Variants in NCOA4 observed in about 807,000 individuals in gnomAD.
NCOA4 encodes the protein 70 kDa AR-activator.
NCOA4 carries 31 observed loss-of-function variants against 69.5 expected under a neutral mutation model. The ratio of observed to expected loss-of-function variants is 0.45; its 90% confidence interval spans 0.34 to 0.60. NCOA4 has a LOEUF of 0.60. Among genes scored for constraint, NCOA4 ranks in the 20% least tolerant of loss-of-function variants. The pLI is 0.02. For synonymous variants in NCOA4, 228 were observed against 252.4 expected (o/e 0.90, Z 0.92); for missense variants, 600 against 719.2 (o/e 0.83, Z 1.90).
At chr10:46,022,171 A>ACCTGCC (rs1248136420) in intron 1 of NCOA4, among the ~76,000 whole-genome samples, 1 of 151,850 alleles carries the variant, frequency 6.6e-6, no homozygotes, top group Admixed American at 6.6e-5. Flanking sequence ...CCCCCTTGCC[A>ACCTGCC]CCTGCCCCTG....
At chr10:46,027,288 AG>A (rs1476833956) in intron 1 of NCOA4, 166 of 704,844 alleles carry the variant, frequency 2.4e-4, no homozygotes, top group African/African-American at 1.7e-3. Context: ...AAAAAAAAAA[AG>A]AATGATTAAG....
intron 5 of NCOA4, 131 bp from the exon 6 acceptor site, chr10:46,013,770 G>T: frequency 1.7e-6 from 1 of 577,792 alleles, no homozygotes; most frequent in Admixed American, 3.5e-5. Context: ...TAAATTCCAT[G>T]ACTTACAAAG....
intron 8 of NCOA4, 51 bp downstream of exon 8, chr10:46,010,172 T>C (rs782787758): frequency 4.4e-5 from 68 of 1,531,458 alleles, no homozygotes; most frequent in South Asian, 2.0e-4. Context: ...TCAAAATAAA[T>C]GAATAAATAA....
chr10:46,014,703 A>C (rs1839433449), intron 4 of NCOA4, 151 bp from the exon 5 acceptor site: 1 of 763,982 alleles, frequency 1.3e-6, no homozygotes. Flanking sequence ...ATGTATCAGC[A>C]AGTATAATAT....
chr10:46,012,070 G>GAAAAAAAA lies in NCOA4; in HGVS notation c.714+805_714+812dup, dbSNP rs71026286. Among the ~76,000 whole-genome samples the GAAAAAAAA allele has an allele frequency of 9.7e-3, 434 of 44,532 alleles. 28 individuals are homozygous for GAAAAAAAA. The highest frequency in any genetic ancestry group is 0.012 in the Non-Finnish European group (298 of 24,402). 29.2% of individuals were successfully genotyped at this position (44,532 alleles called of 152,430 possible). A position where few individuals can be genotyped will look rare whatever the true frequency, so the allele number is the denominator to read the frequency against. ...AGCAAGACTCGGTCTCAAAAAGAAA[G>GAAAAAAAA]AAAAAAAAAAAAAAAAAAAAAAAAA... On this transcript the variant is annotated intron_variant, in intron 7 of 9. Transcript: ENST00000581486.
At position 46,009,512 on chromosome 10, in the gene NCOA4, A is replaced by C. The variant is rs782623619; in HGVS notation, c.1738T>G (p.Phe580Val). The change falls in exon 9 of 10, where the codon TTC becomes GTC. Residue 580 changes from phenylalanine to valine, a missense_variant. Physicochemically the swap from Phe to Val is conservative, Grantham distance 50. Coordinates refer to ENST00000581486, the MANE Select transcript of NCOA4 (RefSeq NM_001145263.2). ...LNSPLQEEHN[F>V]PPDHYGLPAV... ...GGGAGGCCATAATGGTCTGGGGGGAAGTTATGTTCCTCCTGTAGAGGTGAA... is the reference window on the plus strand; with the variant it reads ...GGGAGGCCATAATGGTCTGGGGGGACGTTATGTTCCTCCTGTAGAGGTGAA... 4.3e-6 allele frequency: 7 copies of C among 1,611,084 alleles called. No individual in the cohort carries two copies. Among genetic ancestry groups the C allele is most frequent in the African/African-American group, 1.3e-5 (1 of 74,940 alleles).
At chr10:46,025,819 A>G (rs12049793) in intron 1 of NCOA4, among the ~76,000 whole-genome samples, 1 of 152,214 alleles carries the variant, frequency 6.6e-6, no homozygotes, top group Admixed American at 6.5e-5. Context: ...CTATTGTTAC[A>G]TGCCTGCCTC....
At chr10:46,012,070 GAAAAAAAAAAA>G (rs71026286) in intron 7 of NCOA4, among the ~76,000 whole-genome samples, 77 of 44,512 alleles carry the variant, frequency 1.7e-3, no homozygotes, top group African/African-American at 5.2e-3. Context: ...CAAAAAGAAA[GAAAAAAAAAAA>G]AAAAAAAAAA....
At chr10:46,025,423 T>C (rs190889361) in intron 1 of NCOA4, among the ~76,000 whole-genome samples, 108 of 152,208 alleles carry the variant, frequency 7.1e-4, no homozygotes, top group Middle Eastern at 3.4e-3. Context: ...AAAATAACAT[T>C]TTACCAGGTT....
intron 9 of NCOA4, among the ~76,000 whole-genome samples, chr10:46,008,466 C>G (rs1341882362): frequency 6.6e-6 from 1 of 152,198 alleles, no homozygotes; most frequent in East Asian, 1.9e-4. Flanking sequence ...GTGGTGGAAA[C>G]AGCAAGAGAA....
rs34282889 is a variant in NCOA4, at chr10:46,027,268, C to CAAAAAA, written c.-15+3252_-15+3257dup. On this transcript the variant is annotated intron_variant, in intron 1 of 9. Transcript: ENST00000581486. ...CTCCTGACAGAGCAAGACTCCGTCT[C>CAAAAAA]AAAAAAAAAAAAAAAAAAAAGAATG... Among the ~76,000 whole-genome samples the CAAAAAA allele has an allele frequency of 2.2e-3, 176 of 79,650 alleles. 2 individuals carry two copies. Among genetic ancestry groups the CAAAAAA allele is most frequent in the African/African-American group, 8.5e-3 (166 of 19,590 alleles). 52.3% of individuals were successfully genotyped at this position (79,650 alleles called of 152,430 possible).
chr10:46,011,414 C>CCCA (rs1554921576), intron 7 of NCOA4, among the ~76,000 whole-genome samples: 1 of 149,882 alleles, frequency 6.7e-6, no homozygotes, highest in Non-Finnish European at 1.5e-5. Flanking sequence ...ACTATAGGCG[C>CCCA]CCACCACCAC....
Position 46,010,507 on chromosome 10 carries a change from T to C in NCOA4, c.1414A>G (p.Lys472Glu), listed in dbSNP as rs1554921000. 2 of 1,614,234 alleles carry C rather than the reference T, an allele frequency of 1.2e-6. No individual in the cohort carries two copies. Among genetic ancestry groups the C allele is most frequent in the Non-Finnish European group, 1.7e-6 (2 of 1,180,044 alleles). ...CPRKEVIEQTKAPKAMTPSRI... is the reference protein window; with the variant it reads ...CPRKEVIEQTEAPKAMTPSRI... ...GAAGGAGTCATTGCCTTTGGTGCTT[T>C]AGTTTGTTCTATTACTTCTTTTCTA... The change falls in exon 8 of 10, where the codon AAA (lysine) becomes GAA (glutamate). Residue 472 changes from lysine (K) to glutamate (E), a missense_variant. Coordinates refer to ENST00000581486, the MANE Select transcript of NCOA4 (RefSeq NM_001145263.2).
intron 1 of NCOA4, among the ~76,000 whole-genome samples, chr10:46,030,265 G>A (rs1167221175): frequency 6.6e-6 from 1 of 152,014 alleles, no homozygotes; most frequent in Admixed American, 6.5e-5. Context: ...GGTCGGGGAG[G>A]AAAAGACAAG....
chr10:46,013,788 C>T, intron 5 of NCOA4, 149 bp from the exon 6 acceptor site: 2 of 554,214 alleles, frequency 3.6e-6, no homozygotes, highest in Non-Finnish European at 6.3e-6. Flanking sequence ...AAGTAGTTAT[C>T]AAATTTGAGA....
chr10:46,027,657 TGCA>T, intron 1 of NCOA4: 1 of 616,050 alleles, frequency 1.6e-6, no homozygotes. Flanking sequence ...CTTAACCCAA[TGCA>T]TACATACTGG....
chr10:46,011,906 A>G (rs12770547), intron 7 of NCOA4, among the ~76,000 whole-genome samples: 1 of 151,488 alleles, frequency 6.6e-6, no homozygotes, highest in Admixed American at 6.6e-5. Flanking sequence ...AAAAATATGC[A>G]AAAAATTAGC....
chr10:46,009,563 GAA>G lies in NCOA4; in HGVS notation c.1699-14_1699-13del, dbSNP rs781965647. 5 of 1,601,660 alleles carry G rather than the reference GAA, an allele frequency of 3.1e-6. No individual in the cohort carries two copies. Among genetic ancestry groups the G allele is most frequent in the Non-Finnish European group, 4.3e-6 (5 of 1,175,614 alleles). On this transcript the variant is annotated splice_polypyrimidine_tract_variant and intron_variant, in intron 8 of 9. Coordinates refer to ENST00000581486, the MANE Select transcript of NCOA4 (RefSeq NM_001145263.2). The stretch of plus-strand genomic sequence containing the variant: ...TTAAGTAATACTTCCTGCAATAAAA[GAA>G]AAGAGTAGGTTGCTTCATGAAAACA...
At chr10:46,027,913 T>A (rs1840248681) in intron 1 of NCOA4, among the ~76,000 whole-genome samples, 2 of 152,248 alleles carry the variant, frequency 1.3e-5, no homozygotes, top group East Asian at 3.8e-4. Flanking sequence ...TGATGCACAT[T>A]AAGAGCTATA....
Sources: allele counts gnomAD v4.1 joint callset (sites outside exome capture counted in the v4.1 genomes callset), GRCh38; gene constraint gnomAD v4.1.1; transcripts MANE v1.5; gene names NCBI Gene and HGNC (gene_info 2026-07-23, HGNC 2026-07-21).